ADGRL3: variants seen among roughly 807,000 people sequenced by gnomAD.
ADGRL3 encodes adhesion G protein-coupled receptor L3.
In ADGRL3, 62 loss-of-function variants were observed where a neutral mutation model predicts 153.5. That is an observed-to-expected ratio of 0.40 (90% CI 0.33 to 0.50). The LOEUF is 0.50. ADGRL3 is among the 20% of genes least tolerant of loss of function. ADGRL3 has a pLI of 0.47. For missense variants in ADGRL3, 1,641 were observed against 1,859.4 expected, an observed-to-expected ratio of 0.88 and a Z score of 2.16; for synonymous variants, 710 against 672.5, an observed-to-expected ratio of 1.06 and a Z score of -0.86.
Position 62,045,267 on chromosome 4 carries a change from G to T in ADGRL3, c.3814+718G>T, listed in dbSNP as rs1472800115. ...TCAACCTCTCTCTCTTTCTGTGTGT[G>T]TATGTGTGGGGATATGATTAGAATT... is the stretch of plus-strand genomic sequence containing the variant. On this transcript the variant is annotated intron_variant, in intron 25 of 26. Coordinates refer to ENST00000683033, the MANE Select transcript of ADGRL3 (RefSeq NM_001387552.1). Among the ~76,000 whole-genome samples the T allele has an allele frequency of 6.6e-5, 10 of 151,676 alleles. No homozygotes were observed. In the East Asian group the frequency reaches 1.9e-3, roughly 29 times the overall value.
At chr4:61,289,172 T>A (rs1397221843) in intron 1 of ADGRL3, among the ~76,000 whole-genome samples, 1 of 151,936 alleles carries the variant, frequency 6.6e-6, no homozygotes, top group Admixed American at 6.6e-5. Context: ...TTTTCTTCTT[T>A]CATAAATTCT....
intron 21 of ADGRL3, among the ~76,000 whole-genome samples, chr4:62,000,913 C>T (rs948331387): frequency 3.9e-5 from 6 of 151,976 alleles, no homozygotes; most frequent in Non-Finnish European, 7.4e-5. Context: ...TCCTTAGCAG[C>T]TGGAACCAGA....
In ADGRL3 at chr4:61,911,911, T is replaced by C. The variant is rs548116595; in HGVS notation, c.2074-808T>C. Among the ~76,000 whole-genome samples, 22 of 152,262 alleles carry C rather than the reference T, an allele frequency of 1.4e-4. No homozygotes were observed. The East Asian group carries it at 2.5e-3, about 17-fold the overall frequency. Reference sequence around the variant, plus strand: ...AAAATTTGGCTTATTTATTTAAACATGGTGGATGAACTGTTATTAGTTATT... The same window carrying C: ...AAAATTTGGCTTATTTATTTAAACACGGTGGATGAACTGTTATTAGTTATT... On this transcript the variant is annotated intron_variant, in intron 12 of 26. Coordinates refer to ENST00000683033, the MANE Select transcript of ADGRL3 (RefSeq NM_001387552.1).
intron 1 of ADGRL3, among the ~76,000 whole-genome samples, chr4:61,324,840 G>A (rs1008136253): frequency 1.3e-5 from 2 of 151,928 alleles, no homozygotes; most frequent in Non-Finnish European, 2.9e-5. Flanking sequence ...GACAAATATT[G>A]TGAATATAGT....
At chr4:61,774,863 A>G (rs2097129510) in intron 8 of ADGRL3, among the ~76,000 whole-genome samples, 1 of 152,216 alleles carries the variant, frequency 6.6e-6, no homozygotes, top group African/African-American at 2.4e-5. Context: ...TGTTTCAGGC[A>G]TCCACTGGGG....
intron 8 of ADGRL3, among the ~76,000 whole-genome samples, chr4:61,740,493 A>G (rs2096569531): frequency 6.6e-6 from 1 of 152,184 alleles, no homozygotes; most frequent in Non-Finnish European, 1.5e-5. Flanking sequence ...TGCCAAATTG[A>G]TTATTCATTA....
intron 1 of ADGRL3, among the ~76,000 whole-genome samples, chr4:61,338,455 G>T (rs1315082797): frequency 6.6e-6 from 1 of 151,830 alleles, no homozygotes; most frequent in Non-Finnish European, 1.5e-5. Flanking sequence ...GATTTAGCAG[G>T]TGTTATGGTG....
intron 12 of ADGRL3, among the ~76,000 whole-genome samples, chr4:61,912,118 A>C (rs2098724509): frequency 6.6e-6 from 1 of 152,192 alleles, no homozygotes; most frequent in African/African-American, 2.4e-5. Flanking sequence ...AAATAAAAGC[A>C]GTGATTAATC....
At chr4:61,794,072 G>A (rs766339877) in intron 8 of ADGRL3, among the ~76,000 whole-genome samples, 16 of 152,158 alleles carry the variant, frequency 1.1e-4, no homozygotes, top group African/African-American at 2.2e-4. Context: ...GCATGATGTC[G>A]TAATTAACTT....
chr4:61,614,876 T>C (rs1198025779), intron 5 of ADGRL3, among the ~76,000 whole-genome samples: 4 of 152,192 alleles, frequency 2.6e-5, no homozygotes, highest in African/African-American at 9.6e-5. Context: ...ATCAGCTCTA[T>C]GAGCATAGAG....
chr4:61,897,536 C>T (rs1023471610), intron 11 of ADGRL3, among the ~76,000 whole-genome samples: 1 of 152,188 alleles, frequency 6.6e-6, no homozygotes, highest in African/African-American at 2.4e-5. Context: ...TCCCTCTGCA[C>T]TCTGCCTACT....
intron 4 of ADGRL3, among the ~76,000 whole-genome samples, chr4:61,577,895 A>G (rs193167116): frequency 2.0e-5 from 3 of 152,126 alleles, no homozygotes; most frequent in Admixed American, 2.0e-4. Context: ...GATTTTCTAT[A>G]TTAGTACAGT....
intron 1 of ADGRL3, among the ~76,000 whole-genome samples, chr4:61,330,579 G>C (rs2150958131): frequency 6.6e-6 from 1 of 152,190 alleles, no homozygotes; most frequent in South Asian, 2.1e-4. Context: ...GGTTCCTTCT[G>C]GTGGGTTCTT....
intron 1 of ADGRL3, among the ~76,000 whole-genome samples, chr4:61,216,258 C>G (rs1400774709): frequency 6.6e-6 from 1 of 151,946 alleles, no homozygotes; most frequent in Admixed American, 6.6e-5. Flanking sequence ...TGATTTGAAA[C>G]CATTAAGGAG....
intron 4 of ADGRL3, among the ~76,000 whole-genome samples, chr4:61,520,682 G>GTGTGTGTGTGTC (rs763505931): frequency 0.031 from 3,836 of 123,488 alleles, 101 homozygotes; most frequent in Non-Finnish European, 0.048. Flanking sequence ...GTGTGTGTGT[G>GTGTGTGTGTGTC]TGTCTGTCTG....
At chr4:61,646,349 A>G (rs2093983650) in intron 5 of ADGRL3, among the ~76,000 whole-genome samples, 1 of 151,850 alleles carries the variant, frequency 6.6e-6, no homozygotes, top group African/African-American at 2.4e-5. Context: ...CCTTTGGAGG[A>G]GGAGAGGCAC....
At chr4:61,445,954 G>A (rs1004073191) in intron 2 of ADGRL3, among the ~76,000 whole-genome samples, 11 of 152,154 alleles carry the variant, frequency 7.2e-5, no homozygotes, top group African/African-American at 2.7e-4. Context: ...GTGTGCCATA[G>A]TTGCCCACAG....
chr4:61,472,373 A>G (rs971223356), intron 2 of ADGRL3, among the ~76,000 whole-genome samples: 3 of 152,114 alleles, frequency 2.0e-5, no homozygotes, highest in African/African-American at 7.2e-5. Flanking sequence ...ATGAGGTTGC[A>G]GTAAAACTGT....
At chr4:61,674,174 A>ATAGG (rs1324007434) in intron 5 of ADGRL3, among the ~76,000 whole-genome samples, 1 of 151,162 alleles carries the variant, frequency 6.6e-6, no homozygotes, top group Non-Finnish European at 1.5e-5. Flanking sequence ...AGATAGATAG[A>ATAGG]TAGATAGATA....
Sources: allele counts gnomAD v4.1 joint callset (sites outside exome capture counted in the v4.1 genomes callset), GRCh38; gene constraint gnomAD v4.1.1; transcripts MANE v1.5; gene names NCBI Gene and HGNC (gene_info 2026-07-23, HGNC 2026-07-21).